SCHIP1: variants seen among roughly 807,000 people sequenced by gnomAD.
SCHIP1 encodes the protein schwannomin-interacting protein 1.
In SCHIP1, 8 loss-of-function variants were observed where a neutral mutation model predicts 29.7. The ratio of observed to expected loss-of-function variants is 0.27; its 90% confidence interval spans 0.16 to 0.49. SCHIP1 has a LOEUF of 0.49. Ranked by LOEUF, SCHIP1 falls within the 20% of genes least tolerant of loss-of-function variation. The pLI is 0.99. For synonymous variants in SCHIP1, 76 were observed against 94.9 expected, an observed-to-expected ratio of 0.80 and a Z score of 1.16; for missense variants, 193 against 294.6, an observed-to-expected ratio of 0.66 and a Z score of 2.52.
At chr3:159,631,841 A>T in the SCHIP1 span, among the ~76,000 whole-genome samples, 5 of 152,240 alleles carry the variant, frequency 3.3e-5, no homozygotes, top group Non-Finnish European at 5.9e-5. Flanking sequence ...CCACAAAAAA[A>T]TTTTTTTAAT....
At chr3:159,877,595 T>C (rs58957258) in intron 2 of SCHIP1, among the ~76,000 whole-genome samples, 1 of 151,952 alleles carries the variant, frequency 6.6e-6, no homozygotes, top group African/African-American at 2.4e-5. Flanking sequence ...GTCAAAAGAA[T>C]AAAAGAATTT....
chr3:159,764,371 G>C, the SCHIP1 span: 248 of 1,499,688 alleles, frequency 1.7e-4, no homozygotes, highest in African/African-American at 3.0e-3. This position sits in a 1 kb window ranked among gnomAD's most constrained non-coding sequence, Gnocchi z 6.1. Context: ...CTGAGCCGGG[G>C]CATTTGGGGC....
chr3:159,430,827 G>A, the SCHIP1 span, among the ~76,000 whole-genome samples: 3 of 152,136 alleles, frequency 2.0e-5, no homozygotes, highest in South Asian at 6.2e-4. Context: ...CTGCTCAAGG[G>A]GGCCCACATG....
At chr3:159,692,821 G>C in the SCHIP1 span, among the ~76,000 whole-genome samples, 2 of 151,998 alleles carry the variant, frequency 1.3e-5, no homozygotes, top group African/African-American at 4.8e-5. Flanking sequence ...TTTTTATCTA[G>C]TTCCTACAAA....
the SCHIP1 span, among the ~76,000 whole-genome samples, chr3:159,557,681 T>C: frequency 7.2e-5 from 11 of 152,158 alleles, no homozygotes; most frequent in Non-Finnish European, 1.3e-4. Flanking sequence ...ATAATCAAAA[T>C]TCACATGCAG....
At chr3:159,660,810 G>T in the SCHIP1 span, among the ~76,000 whole-genome samples, 65 of 152,200 alleles carry the variant, frequency 4.3e-4, no homozygotes, top group African/African-American at 1.1e-3. Flanking sequence ...TTGTCTTTTA[G>T]AAGTTGGCCC....
At chr3:159,495,341 T>A in the SCHIP1 span, among the ~76,000 whole-genome samples, 2 of 152,222 alleles carry the variant, frequency 1.3e-5, no homozygotes, top group African/African-American at 2.4e-5. Flanking sequence ...ATGACATGAT[T>A]GTATATCTAG....
chr3:159,737,214 C>G, the SCHIP1 span, among the ~76,000 whole-genome samples: 31 of 152,256 alleles, frequency 2.0e-4, no homozygotes, highest in African/African-American at 7.0e-4. Flanking sequence ...CATCCTTCTC[C>G]CCTGACTTTA....
At chr3:159,331,967 A>G in the SCHIP1 span, among the ~76,000 whole-genome samples, 1 of 152,072 alleles carries the variant, frequency 6.6e-6, no homozygotes, top group South Asian at 2.1e-4. Context: ...TGTAGGCTCC[A>G]CCTGGTCCTG....
chr3:159,288,207 C>G, the SCHIP1 span, among the ~76,000 whole-genome samples: 1 of 152,108 alleles, frequency 6.6e-6, no homozygotes, highest in African/African-American at 2.4e-5. Context: ...AAGAAGAAAT[C>G]AAAGACAACC....
the SCHIP1 span, among the ~76,000 whole-genome samples, chr3:159,362,206 G>T: frequency 6.6e-6 from 1 of 152,198 alleles, no homozygotes; most frequent in South Asian, 2.1e-4. Context: ...GGAAACCAGT[G>T]AAGGAGGTGT....
the SCHIP1 span, among the ~76,000 whole-genome samples, chr3:159,669,981 A>G: frequency 6.6e-6 from 1 of 152,182 alleles, no homozygotes; most frequent in East Asian, 1.9e-4. Flanking sequence ...GCTTCTTGGT[A>G]AGGGGCTCTC....
At chr3:159,685,309 CAT>C in the SCHIP1 span, among the ~76,000 whole-genome samples, 1 of 152,142 alleles carries the variant, frequency 6.6e-6, no homozygotes, top group Non-Finnish European at 1.5e-5. Flanking sequence ...GAAAACATAA[CAT>C]AAATTTATGA....
the SCHIP1 span, among the ~76,000 whole-genome samples, chr3:159,334,785 T>C: frequency 1.8e-3 from 267 of 152,306 alleles, no homozygotes; most frequent in Middle Eastern, 0.01. Flanking sequence ...GATTTGTTAA[T>C]CTAGTCTCCA....
intron 2 of SCHIP1, among the ~76,000 whole-genome samples, 189 bp from the exon 4 acceptor site, chr3:159,886,018 A>G (rs1191844631): frequency 6.6e-6 from 1 of 152,254 alleles, no homozygotes; most frequent in Non-Finnish European, 1.5e-5. Flanking sequence ...GGCGAGGAAA[A>G]AACTCACAGA....
the SCHIP1 span, among the ~76,000 whole-genome samples, chr3:159,372,661 T>C: frequency 6.6e-6 from 1 of 152,132 alleles, no homozygotes; most frequent in Non-Finnish European, 1.5e-5. Flanking sequence ...TGTTTTTATA[T>C]AGCCTACAAA....
the SCHIP1 span, among the ~76,000 whole-genome samples, chr3:159,608,439 C>G: frequency 6.6e-6 from 1 of 152,152 alleles, no homozygotes; most frequent in Non-Finnish European, 1.5e-5. Context: ...TGGACTAGGA[C>G]AGTTACTGTT....
At chr3:159,607,155 G>A in the SCHIP1 span, among the ~76,000 whole-genome samples, 1 of 152,134 alleles carries the variant, frequency 6.6e-6, no homozygotes, top group Non-Finnish European at 1.5e-5. Flanking sequence ...CTATTGAAGA[G>A]TTCAGTGCTG....
the SCHIP1 span, among the ~76,000 whole-genome samples, chr3:159,572,308 C>A: frequency 6.6e-6 from 1 of 152,058 alleles, no homozygotes; most frequent in Non-Finnish European, 1.5e-5. Context: ...CCCAGAGATT[C>A]TGGTATGTTG....
Sources: gnomAD v4.1 joint callset for allele counts (sites outside exome capture counted in the v4.1 genomes callset) on GRCh38, gnomAD v4.1.1 for gene constraint, Gnocchi (gnomAD v3.1) non-coding constraint, MANE v1.5 for transcripts, NCBI Gene and HGNC (gene_info 2026-07-23, HGNC 2026-07-21) for gene names.